The following MTMR12 variants were observed in gnomAD, a reference collection of about 807,000 sequenced individuals.
MTMR12 encodes the protein myotubularin related protein 12.
Under a neutral mutation model 96.7 loss-of-function variants are expected in MTMR12, and 33 were observed. The observed-to-expected ratio is 0.34, with a 90% CI of 0.26 to 0.46. MTMR12 has a LOEUF of 0.46. MTMR12 is among the 20% of genes least tolerant of loss of function. MTMR12 has a pLI of 1.00. For synonymous variants in MTMR12, 298 were observed against 327.2 expected, an observed-to-expected ratio of 0.91 and a Z score of 0.96; for missense variants, 721 against 896.1, an observed-to-expected ratio of 0.80 and a Z score of 2.49.
Position 32,271,897 on chromosome 5 carries a change from T to C in MTMR12, c.294A>G (p.Gln98=), listed in dbSNP as rs754181565. 5 of 1,553,020 alleles carry C rather than the reference T, an allele frequency of 3.2e-6. No homozygotes were observed. The highest frequency in any genetic ancestry group is 4.4e-6 in the Non-Finnish European group (5 of 1,136,360). Residue 98 remains glutamine, a synonymous_variant, in exon 4 of 16, where the codon CAA becomes CAG. Transcript: ENST00000382142. Reference sequence around the variant, plus strand: ...TTTCTCCTATAACCTTATTCTTAAATTGAGTTTCCTAGAAGATTCAAAAGG... The same window carrying C: ...TTTCTCCTATAACCTTATTCTTAAACTGAGTTTCCTAGAAGATTCAAAAGG... The part of the protein sequence containing the change: ...DESALDNDET[Q]FKNKVIGEND...
intron 1 of MTMR12, among the ~76,000 whole-genome samples, chr5:32,290,594 G>A (rs543696821): frequency 6.6e-6 from 1 of 152,302 alleles, no homozygotes; most frequent in South Asian, 2.1e-4. Flanking sequence ...TGTTACTCCA[G>A]CCCATTTATT....
intron 2 of MTMR12, among the ~76,000 whole-genome samples, chr5:32,275,139 G>A (rs1206124063): frequency 2.0e-5 from 3 of 151,952 alleles, no homozygotes; most frequent in Admixed American, 6.6e-5. Flanking sequence ...ATATGAAAAC[G>A]AACAGTTTCA....
chr5:32,244,006 T>A (rs1356340879), intron 10 of MTMR12, among the ~76,000 whole-genome samples: 1 of 152,136 alleles, frequency 6.6e-6, no homozygotes, highest in Non-Finnish European at 1.5e-5. Context: ...GGCTTAACTT[T>A]CATTAGAATC....
At chr5:32,242,310 AT>A (rs1421161451) in intron 11 of MTMR12, among the ~76,000 whole-genome samples, 183 bp from the exon 12 acceptor site, 2 of 152,070 alleles carry the variant, frequency 1.3e-5, no homozygotes, top group Non-Finnish European at 2.9e-5. Context: ...ACTGGGATAT[AT>A]TCCTGCCCAT....
At chr5:32,262,974 A>C in intron 7 of MTMR12, 139 bp downstream of exon 7, 1 of 1,062,924 alleles carries the variant, frequency 9.4e-7, no homozygotes, top group Non-Finnish European at 1.3e-6. Flanking sequence ...GCCAATGGGT[A>C]TGGAGTTTCT....
At chr5:32,245,965 C>G (rs1041096444) in intron 10 of MTMR12, among the ~76,000 whole-genome samples, 20 of 152,162 alleles carry the variant, frequency 1.3e-4, no homozygotes, top group African/African-American at 4.8e-4. Flanking sequence ...CCTGGCTGGA[C>G]CACTTCCACC....
In MTMR12 at chr5:32,275,084, C is replaced by A. The variant is rs116709192; in HGVS notation, c.143-962G>T. Among the ~76,000 whole-genome samples, 1,330 of 152,198 alleles carry A rather than the reference C, an allele frequency of 8.7e-3. 17 individuals are homozygous for A. The highest frequency in any genetic ancestry group is 0.031 in the African/African-American group (1,275 of 41,518). Reference sequence around the variant, plus strand: ...TCCCACTTGATAGCTCCTTCAAGGTCTTTAAATTTACTTTTTGGCTCAAAA... The same window carrying A: ...TCCCACTTGATAGCTCCTTCAAGGTATTTAAATTTACTTTTTGGCTCAAAA... On this transcript the variant is annotated intron_variant, in intron 2 of 15. Transcript: ENST00000382142.
intron 1 of MTMR12, among the ~76,000 whole-genome samples, chr5:32,310,464 C>G (rs538078419): frequency 2.6e-5 from 4 of 152,288 alleles, no homozygotes; most frequent in African/African-American, 9.6e-5. Flanking sequence ...GAGTACTATT[C>G]AGCCATAAAA....
intron 15 of MTMR12, among the ~76,000 whole-genome samples, chr5:32,231,035 T>C (rs1044575788): frequency 1.3e-5 from 2 of 151,976 alleles, no homozygotes; most frequent in Non-Finnish European, 2.9e-5. Flanking sequence ...TTTTCATATT[T>C]CCCCCCTTGG....
chr5:32,258,599 C>T (rs1292253099), intron 7 of MTMR12, among the ~76,000 whole-genome samples: 1 of 152,280 alleles, frequency 6.6e-6, no homozygotes, highest in South Asian at 2.1e-4. Context: ...CTAGCCTCCC[C>T]CAACCTACTG....
chr5:32,245,543 T>TTAAAAC (rs1748645883), intron 10 of MTMR12, among the ~76,000 whole-genome samples: 5 of 152,042 alleles, frequency 3.3e-5, no homozygotes, highest in Non-Finnish European at 5.9e-5. Context: ...AAAACACTCT[T>TTAAAAC]ATGGCTGGGC....
intron 1 of MTMR12, among the ~76,000 whole-genome samples, chr5:32,305,894 A>G (rs1226250937): frequency 2.0e-5 from 3 of 148,192 alleles, no homozygotes; most frequent in African/African-American, 5.0e-5. Context: ...CAAGAGTGAA[A>G]CTCCGTCTCA....
chr5:32,236,644 C>A (rs560805593), intron 13 of MTMR12, among the ~76,000 whole-genome samples: 1 of 151,974 alleles, frequency 6.6e-6, no homozygotes, highest in Non-Finnish European at 1.5e-5. Flanking sequence ...GAGTTCGATA[C>A]CTGACCAACA....
At chr5:32,262,660 A>G (rs1749412406) in intron 7 of MTMR12, among the ~76,000 whole-genome samples, 1 of 152,206 alleles carries the variant, frequency 6.6e-6, no homozygotes, top group South Asian at 2.1e-4. Flanking sequence ...TCAAAGAGCC[A>G]AAAAGTGAAA....
chr5:32,303,847 CAAAAAAAAAAAAAA>C (rs57459005), intron 1 of MTMR12, among the ~76,000 whole-genome samples: 1 of 68,400 alleles, frequency 1.5e-5, no homozygotes, highest in Admixed American at 1.9e-4. Context: ...TTTGCCATCT[CAAAAAAAAAAAAAA>C]AAAAAAAAAA....
intron 1 of MTMR12, among the ~76,000 whole-genome samples, chr5:32,282,618 A>G (rs1012834895): frequency 6.6e-6 from 1 of 152,134 alleles, no homozygotes; most frequent in African/African-American, 2.4e-5. Flanking sequence ...TCCCCCCTCA[A>G]ACAAAAATCC....
At chr5:32,275,181 G>A (rs1750004263) in intron 2 of MTMR12, among the ~76,000 whole-genome samples, 1 of 152,084 alleles carries the variant, frequency 6.6e-6, no homozygotes, top group Admixed American at 6.5e-5. Flanking sequence ...TTATGGTGCT[G>A]TTCTCTCATC....
At chr5:32,278,069 T>C (rs1217885613) in intron 1 of MTMR12, among the ~76,000 whole-genome samples, 2 of 152,232 alleles carry the variant, frequency 1.3e-5, no homozygotes, top group South Asian at 2.1e-4. Flanking sequence ...TCAGTATTTA[T>C]GGGATATTCA....
At chr5:32,263,344 C>A in intron 6 of MTMR12, 102 bp from the exon 7 acceptor site, 1 of 1,390,262 alleles carries the variant, frequency 7.2e-7, no homozygotes, top group Non-Finnish European at 9.9e-7. Flanking sequence ...CTCCACTAAG[C>A]CCATTTTTAT....
Sources: gnomAD v4.1 joint callset for allele counts (sites outside exome capture counted in the v4.1 genomes callset) on GRCh38, gnomAD v4.1.1 for gene constraint, MANE v1.5 for transcripts, NCBI Gene and HGNC (gene_info 2026-07-23, HGNC 2026-07-21) for gene names.